Variants in NEB observed in about 807,000 individuals in gnomAD.
The protein encoded by NEB is nebulin, also known as nemaline myopathy type 2.
NEB carries 512 observed loss-of-function variants against 952.2 expected under a neutral mutation model. The ratio of observed to expected loss-of-function variants is 0.54; its 90% CI spans 0.50 to 0.58. NEB has a LOEUF of 0.58. NEB is among the 20% of genes least tolerant of loss of function. NEB has a pLI of 0.00. For missense variants in NEB, 8,428 were observed against 9,231.1 expected (o/e 0.91, Z 3.56); for synonymous variants, 2,900 against 3,149.8 (o/e 0.92, Z 2.66).
At chr2:151,489,815 T>C (rs2054633829) in intron 181 of NEB, among the ~76,000 whole-genome samples, 156 bp downstream of exon 181, 2 of 152,036 alleles carry the variant, frequency 1.3e-5, no homozygotes, top group Admixed American at 1.3e-4. Context: ...ATAATGAAAG[T>C]TTTCTGATAT....
intron 181 of NEB, chr2:151,486,789 A>G (rs1559073633): frequency 1.3e-5 from 2 of 152,242 alleles, no homozygotes; most frequent in Non-Finnish European, 2.9e-5. Context: ...TTTATATGAA[A>G]TGTCTTAGGT....
intron 169 of NEB, 59 bp from the exon 170 acceptor site, chr2:151,498,411 G>T: frequency 1.6e-6 from 2 of 1,280,458 alleles, no homozygotes; most frequent in Non-Finnish European, 2.2e-6. Flanking sequence ...TTTTCCCCCT[G>T]CTTTGGAGCA....
intron 165 of NEB, among the ~76,000 whole-genome samples, chr2:151,504,824 G>A (rs1044694377): frequency 3.3e-5 from 5 of 152,142 alleles, no homozygotes; most frequent in Non-Finnish European, 5.9e-5. Context: ...TGGGGGACAC[G>A]TGCCCTGCAA....
chr2:151,570,630 C>T (rs2096591045), intron 107 of NEB, 29 bp from the exon 108 acceptor site: 2 of 1,554,764 alleles, frequency 1.3e-6, no homozygotes, highest in African/African-American at 2.7e-5. Flanking sequence ...AGGTATCATC[C>T]TAGATTCAAA....
intron 64 of NEB, among the ~76,000 whole-genome samples, chr2:151,635,386 G>GT (rs1006793232): frequency 1.7e-4 from 26 of 152,218 alleles, no homozygotes; most frequent in African/African-American, 5.3e-4. Flanking sequence ...AAGGATGACA[G>GT]TTTTGCTCTG....
chr2:151,660,300 C>A (rs2099132399), intron 46 of NEB, among the ~76,000 whole-genome samples: 1 of 152,124 alleles, frequency 6.6e-6, no homozygotes, highest in African/African-American at 2.4e-5. Context: ...ACTCTGTACT[C>A]CAATTTTCAT....
At chr2:151,645,536 C>T (rs1290814729) in intron 55 of NEB, among the ~76,000 whole-genome samples, 1 of 152,102 alleles carries the variant, frequency 6.6e-6, no homozygotes, top group African/African-American at 2.4e-5. Flanking sequence ...TATCCAGAAA[C>T]CAGATTATTT....
In NEB at chr2:151,514,356, T is replaced by C. The variant is rs777514661; in HGVS notation, c.23089A>G (p.Met7697Val). 3 of 1,613,760 alleles carry C rather than the reference T, an allele frequency of 1.9e-6. No individual in the cohort carries two copies. The highest frequency in any genetic ancestry group is 2.7e-5 in the African/African-American group (2 of 74,930). Residue 7697 changes from methionine to valine, a missense_variant, in exon 159 of 182, where the codon ATG (methionine) becomes GTG (valine). By Grantham distance (21) the Met-to-Val change is conservative. Transcript: ENST00000397345. ...GLTEMEDTPD[M>V]LRAKNATQIL... Reference sequence around the variant, plus strand: ...TGAGTGGCATTCTTTGCTCTTAGCATGTCAGGTGTATCTTCCATTTCAGTG... The same window carrying C: ...TGAGTGGCATTCTTTGCTCTTAGCACGTCAGGTGTATCTTCCATTTCAGTG...
intron 60 of NEB, 111 bp downstream of exon 60, chr2:151,642,463 C>G: frequency 2.3e-6 from 2 of 868,842 alleles, no homozygotes; most frequent in Non-Finnish European, 3.5e-6. Context: ...AAACAATAAA[C>G]TGTTAGCAAC....
chr2:151,622,887 T>C (rs2098446742), intron 71 of NEB, among the ~76,000 whole-genome samples: 1 of 152,204 alleles, frequency 6.6e-6, no homozygotes, highest in African/African-American at 2.4e-5. Flanking sequence ...ATGAGTAGCA[T>C]TTAGTTCTCT....
intron 13 of NEB, among the ~76,000 whole-genome samples, chr2:151,702,054 T>G (rs1378992558): frequency 6.7e-6 from 1 of 149,230 alleles, no homozygotes; most frequent in Non-Finnish European, 1.5e-5. Flanking sequence ...CCAGAGATTC[T>G]GGTATGTTGT....
intron 60 of NEB, among the ~76,000 whole-genome samples, chr2:151,641,693 T>C (rs182267940): frequency 6.6e-6 from 1 of 152,322 alleles, no homozygotes; most frequent in East Asian, 1.9e-4. Context: ...CCTTCTGTGA[T>C]TGTCATTTAT....
intron 107 of NEB, among the ~76,000 whole-genome samples, chr2:151,572,551 T>C (rs529249679): frequency 6.9e-6 from 1 of 145,380 alleles, no homozygotes; most frequent in African/African-American, 2.5e-5. Flanking sequence ...TATATATATA[T>C]ACTTTTTTTT....
rs1559296376 is a variant in NEB at position 151,502,869 on chromosome 2, T to TTTTC, written c.23848_23851dup (p.Asn7951ArgfsTer26). On this transcript the variant is annotated frameshift_variant, in exon 167 of 182. Coordinates refer to ENST00000397345, the MANE Select transcript of NEB (RefSeq NM_001164508.2). LOFTEE classifies it high-confidence loss of function. ...AGGTGTTGGGATTCCTTTCCCCAAA[T>TTTTC]TTTCTTTGTACAAAACCTGTGAGAT... is the stretch of plus-strand genomic sequence containing the variant. The TTTTC allele has an allele frequency of 3.1e-6, 5 of 1,601,764 alleles. No homozygotes were observed. The highest frequency in any genetic ancestry group is 3.4e-6 in the Non-Finnish European group (4 of 1,172,792).
intron 4 of NEB, 32 bp from the exon 5 acceptor site, chr2:151,727,938 G>GT (rs775341198): frequency 6.4e-7 from 1 of 1,557,156 alleles, no homozygotes; most frequent in South Asian, 1.1e-5. Context: ...CAACATTGTT[G>GT]TGAAAGTAAA....
At chr2:151,677,024 G>A (rs935880560) in intron 34 of NEB, among the ~76,000 whole-genome samples, 6 of 152,204 alleles carry the variant, frequency 3.9e-5, no homozygotes, top group African/African-American at 1.4e-4. Flanking sequence ...CATAGACGCT[G>A]CTCATGGACA....
chr2:151,675,191 G>A, intron 35 of NEB, 96 bp downstream of exon 35: 1 of 851,824 alleles, frequency 1.2e-6, no homozygotes. Flanking sequence ...TGTGAGAAAT[G>A]GGCCTAAATA....
At chr2:151,688,166 T>C (rs1401435430) in intron 25 of NEB, 126 bp downstream of exon 25, 11 of 758,102 alleles carry the variant, frequency 1.5e-5, no homozygotes, top group Non-Finnish European at 2.1e-5. Flanking sequence ...CCTTAAAAGC[T>C]CCACTTACAA....
In NEB at chr2:151,665,318, C is replaced by T. The variant is rs779289903; in HGVS notation, c.5238+15G>A. The stretch of plus-strand genomic sequence containing the variant: ...ATGAGGGTTCCCTGGGCGAGGCTGG[C>T]AGGTGAGTCCTTACCTTGTCCATGT... On this transcript the variant is annotated intron_variant, in intron 42 of 181. Coordinates refer to ENST00000397345, the MANE Select transcript of NEB (RefSeq NM_001164508.2). 5.0e-6 allele frequency: 8 copies of T among 1,612,116 alleles called. No homozygotes were observed. The highest frequency in any genetic ancestry group is 1.7e-4 in the Middle Eastern group (1 of 6,048).
Sources: allele counts gnomAD v4.1 joint callset (sites outside exome capture counted in the v4.1 genomes callset), GRCh38; gene constraint gnomAD v4.1.1; transcripts MANE v1.5; gene names NCBI Gene and HGNC (gene_info 2026-07-23, HGNC 2026-07-21).